Variants in DNAJC1 observed in about 807,000 individuals in gnomAD.
DNAJC1 encodes the protein dnaJ homolog subfamily C member 1.
Under a neutral mutation model 76.6 loss-of-function variants are expected in DNAJC1, and 58 were observed. The ratio of observed to expected loss-of-function variants is 0.76; its 90% CI spans 0.61 to 0.94. The LOEUF (loss-of-function observed/expected upper bound fraction) is 0.94, where lower values mean the gene tolerates loss of function less well. Ranked by LOEUF, DNAJC1 falls within the 40% of genes least tolerant of loss-of-function variation. The pLI is 0.00. For missense variants in DNAJC1, 689 were observed against 677.3 expected, an observed-to-expected ratio of 1.02 and a Z score of -0.19; for synonymous variants, 258 against 267.9, an observed-to-expected ratio of 0.96 and a Z score of 0.36.
intron 8 of DNAJC1, among the ~76,000 whole-genome samples, chr10:21,870,261 T>C (rs1278652546): frequency 1.3e-5 from 2 of 152,014 alleles, no homozygotes; most frequent in East Asian, 3.8e-4. Context: ...TCATTTGTAA[T>C]AAATAAAAAT....
intron 9 of DNAJC1, among the ~76,000 whole-genome samples, chr10:21,797,346 T>A (rs1208751282): frequency 6.6e-6 from 1 of 152,212 alleles, no homozygotes; most frequent in Non-Finnish European, 1.5e-5. Context: ...TTAATTACTA[T>A]AACTTTCTAA....
chr10:21,799,854 C>T (rs975967227), intron 9 of DNAJC1, among the ~76,000 whole-genome samples: 2 of 152,096 alleles, frequency 1.3e-5, no homozygotes, highest in Admixed American at 6.6e-5. Context: ...TTGGTCAGTT[C>T]TAGATTCAGA....
chr10:21,813,667 C>T (rs976535577), intron 8 of DNAJC1, among the ~76,000 whole-genome samples: 1 of 152,146 alleles, frequency 6.6e-6, no homozygotes, highest in East Asian at 1.9e-4. Flanking sequence ...GGATTACAGG[C>T]GTGAGCCACT....
intron 8 of DNAJC1, among the ~76,000 whole-genome samples, chr10:21,832,335 A>G (rs1279632251): frequency 6.6e-6 from 1 of 152,136 alleles, no homozygotes; most frequent in Non-Finnish European, 1.5e-5. Context: ...GGTTTTAGCC[A>G]TCAAATGTAT....
At chr10:21,758,071 A>G (rs1434756837) in intron 11 of DNAJC1, among the ~76,000 whole-genome samples, 1 of 152,188 alleles carries the variant, frequency 6.6e-6, no homozygotes, top group African/African-American at 2.4e-5. Context: ...CTTCTCAAAT[A>G]TATCAACAGC....
At position 21,907,723 on chromosome 10, in the gene DNAJC1, T is replaced by A. The variant is rs1481687248; in HGVS notation, c.730-3111A>T. Among the ~76,000 whole-genome samples, 3 of 151,888 alleles carry A rather than the reference T, an allele frequency of 2.0e-5. No homozygotes were observed. The East Asian group carries it at 5.8e-4, about 29-fold the overall frequency. ...CAGGTGTGGTGGCTCACACCTGCAA[T>A]CCTAGCACTTCGGGAAGCCCAGGTG... On this transcript the variant is annotated intron_variant, in intron 6 of 11. Coordinates refer to ENST00000376980, the MANE Select transcript of DNAJC1 (RefSeq NM_022365.4).
intron 1 of DNAJC1, among the ~76,000 whole-genome samples, chr10:21,994,221 T>C (rs1478667356): frequency 6.6e-6 from 1 of 152,232 alleles, no homozygotes; most frequent in Non-Finnish European, 1.5e-5. Flanking sequence ...TTACTACTAA[T>C]GAGGCTAATG....
intron 1 of DNAJC1, among the ~76,000 whole-genome samples, chr10:21,936,423 G>A (rs913718557): frequency 6.6e-5 from 10 of 152,154 alleles, no homozygotes; most frequent in Non-Finnish European, 1.3e-4. Context: ...ATTTTGGTTA[G>A]TAACTTCAAT....
chr10:21,852,679 T>C (rs1165627265), intron 8 of DNAJC1, among the ~76,000 whole-genome samples: 1 of 152,068 alleles, frequency 6.6e-6, no homozygotes, highest in Non-Finnish European at 1.5e-5. Context: ...TTACCAGACG[T>C]AAACCATATG....
At chr10:21,862,746 A>G (rs781135775) in intron 8 of DNAJC1, among the ~76,000 whole-genome samples, 9 of 152,094 alleles carry the variant, frequency 5.9e-5, no homozygotes, top group Admixed American at 6.5e-5. Context: ...ATATTTAAAG[A>G]AACCAATGCT....
intron 8 of DNAJC1, among the ~76,000 whole-genome samples, chr10:21,824,266 C>G (rs1172114799): frequency 6.6e-6 from 1 of 152,102 alleles, no homozygotes; most frequent in Non-Finnish European, 1.5e-5. Context: ...GCTGTCATAC[C>G]CCACACCAAA....
intron 6 of DNAJC1, among the ~76,000 whole-genome samples, chr10:21,906,111 G>C (rs946830027): frequency 1.3e-4 from 19 of 151,986 alleles, no homozygotes; most frequent in Non-Finnish European, 2.2e-4. Flanking sequence ...TAAAATCATT[G>C]AATCAATACA....
At chr10:21,776,492 A>C (rs982677525) in intron 9 of DNAJC1, among the ~76,000 whole-genome samples, 1 of 152,188 alleles carries the variant, frequency 6.6e-6, no homozygotes, top group African/African-American at 2.4e-5. Context: ...TTCCACTTGA[A>C]TTTAGCCCTC....
intron 7 of DNAJC1, among the ~76,000 whole-genome samples, chr10:21,897,055 C>A (rs570566151): frequency 6.6e-6 from 1 of 152,226 alleles, no homozygotes; most frequent in Non-Finnish European, 1.5e-5. Context: ...TCTTGGACTC[C>A]CCAGCATCAA....
intron 1 of DNAJC1, among the ~76,000 whole-genome samples, chr10:21,957,672 T>C (rs1006716380): frequency 2.4e-4 from 37 of 152,172 alleles, no homozygotes; most frequent in African/African-American, 8.7e-4. Flanking sequence ...TCCTTTTCAG[T>C]TATTTAGTCT....
At chr10:21,930,739 T>C (rs939889406) in intron 1 of DNAJC1, among the ~76,000 whole-genome samples, 1 of 152,168 alleles carries the variant, frequency 6.6e-6, no homozygotes, top group African/African-American at 2.4e-5. Flanking sequence ...GTTCCCTACA[T>C]AGACTACAGA....
At chr10:21,786,276 A>G (rs1479642832) in intron 9 of DNAJC1, among the ~76,000 whole-genome samples, 1 of 151,848 alleles carries the variant, frequency 6.6e-6, no homozygotes, top group Non-Finnish European at 1.5e-5. Flanking sequence ...GAAAAGAGTA[A>G]TTCCAGATCA....
At chr10:21,826,125 C>G (rs187471421) in intron 8 of DNAJC1, among the ~76,000 whole-genome samples, 1 of 151,970 alleles carries the variant, frequency 6.6e-6, no homozygotes, top group Admixed American at 6.6e-5. Flanking sequence ...GTAGTCCCAG[C>G]TCCTCGGTAG....
intron 8 of DNAJC1, among the ~76,000 whole-genome samples, chr10:21,836,721 G>C (rs1024831756): frequency 2.0e-5 from 3 of 152,096 alleles, no homozygotes; most frequent in African/African-American, 4.8e-5. Flanking sequence ...AAGATCAAAA[G>C]AGACAAAGAA....
Sources: gnomAD v4.1 joint callset for allele counts (sites outside exome capture counted in the v4.1 genomes callset) on GRCh38, gnomAD v4.1.1 for gene constraint, MANE v1.5 for transcripts, NCBI Gene and HGNC (gene_info 2026-07-23, HGNC 2026-07-21) for gene names.